ERBB4: variants seen among roughly 807,000 people sequenced by gnomAD.
ERBB4 encodes erb-b2 receptor tyrosine kinase 4, also known as receptor tyrosine-protein kinase erbB-4.
ERBB4 carries 42 observed loss-of-function variants against 158.0 expected under a neutral mutation model. The observed-to-expected ratio is 0.27, with a 90% CI of 0.21 to 0.34. The LOEUF is 0.34. ERBB4 is among the 10% of genes least tolerant of loss of function. ERBB4 has a pLI of 1.00. For synonymous variants in ERBB4, 583 were observed against 558.7 expected (o/e 1.04, Z -0.61); for missense variants, 1,333 against 1,624.1 (o/e 0.82, Z 3.08).
At chr2:211,744,503 T>C (rs1420108075) in intron 5 of ERBB4, among the ~76,000 whole-genome samples, 1 of 152,218 alleles carries the variant, frequency 6.6e-6, no homozygotes, top group Non-Finnish European at 1.5e-5. Flanking sequence ...AGACCTTCCC[T>C]GAAGCTCACT....
chr2:212,453,695 T>G (rs1326065634), intron 1 of ERBB4, among the ~76,000 whole-genome samples: 2 of 152,160 alleles, frequency 1.3e-5, no homozygotes, highest in Non-Finnish European at 2.9e-5. Context: ...TATTTTAAAA[T>G]TTTAAAATCA....
At chr2:211,750,358 CT>C (rs1197620702) in intron 5 of ERBB4, among the ~76,000 whole-genome samples, 1 of 152,204 alleles carries the variant, frequency 6.6e-6, no homozygotes, top group Non-Finnish European at 1.5e-5. Context: ...GGATTTCCCA[CT>C]TCTAGTGATG....
chr2:212,379,110 A>C (rs577903133), intron 1 of ERBB4, among the ~76,000 whole-genome samples: 1 of 151,974 alleles, frequency 6.6e-6, no homozygotes, highest in African/African-American at 2.4e-5. Context: ...TCACAATTAA[A>C]ACCTTCAAAC....
intron 1 of ERBB4, among the ~76,000 whole-genome samples, chr2:212,472,705 A>G (rs1190360839): frequency 6.6e-6 from 1 of 151,786 alleles, no homozygotes; most frequent in African/African-American, 2.4e-5. Context: ...AAAATAAATT[A>G]CTAGAAAAAA....
chr2:211,463,927 CA>C, intron 20 of ERBB4, among the ~76,000 whole-genome samples: 1 of 152,172 alleles, frequency 6.6e-6, no homozygotes, highest in African/African-American at 2.4e-5. Flanking sequence ...TACTGTGCCT[CA>C]AACATTATCA....
chr2:211,788,243 C>G, intron 3 of ERBB4, 84 bp from the exon 4 acceptor site: 1 of 1,012,982 alleles, frequency 9.9e-7, no homozygotes, highest in Non-Finnish European at 1.5e-6. Flanking sequence ...TTGCTCTTAA[C>G]TATTTTCAAT....
chr2:211,853,153 C>T (rs1257786644), intron 3 of ERBB4, among the ~76,000 whole-genome samples: 2 of 151,876 alleles, frequency 1.3e-5, no homozygotes, highest in Non-Finnish European at 2.9e-5. Flanking sequence ...ACAGAGCTTC[C>T]CAATGCTTAT....
At chr2:211,388,978 C>G (rs2062744349) in intron 25 of ERBB4, among the ~76,000 whole-genome samples, 1 of 152,166 alleles carries the variant, frequency 6.6e-6, no homozygotes, top group African/African-American at 2.4e-5. Flanking sequence ...TGCGATCCAG[C>G]TTTAAGTAAA....
chr2:212,069,554 G>T (rs1207920719), intron 2 of ERBB4, among the ~76,000 whole-genome samples: 1 of 151,892 alleles, frequency 6.6e-6, no homozygotes. Context: ...TGTACTGGAG[G>T]TTCTAATTAG....
chr2:212,229,143 AAC>A (rs1469667218), intron 1 of ERBB4, among the ~76,000 whole-genome samples: 1 of 152,224 alleles, frequency 6.6e-6, no homozygotes, highest in Non-Finnish European at 1.5e-5. Context: ...GCAATTAAGG[AAC>A]ACAGTCTAAT....
intron 1 of ERBB4, among the ~76,000 whole-genome samples, chr2:212,463,104 G>T (rs1335175902): frequency 6.6e-6 from 1 of 152,104 alleles, no homozygotes; most frequent in Non-Finnish European, 1.5e-5. Flanking sequence ...GGCTGGAGAG[G>T]ATCATGGAAG....
At chr2:211,502,145 T>A (rs925430582) in intron 20 of ERBB4, among the ~76,000 whole-genome samples, 39 of 152,174 alleles carry the variant, frequency 2.6e-4, no homozygotes, top group African/African-American at 8.7e-4. Context: ...GTAGTCACTT[T>A]AATGTTCTTC....
chr2:211,895,810 A>G (rs1181954985), intron 3 of ERBB4, among the ~76,000 whole-genome samples: 2 of 152,150 alleles, frequency 1.3e-5, no homozygotes, highest in African/African-American at 4.8e-5. Flanking sequence ...TACTCTTGCC[A>G]TAAAACAGCT....
chr2:211,978,257 A>G (rs1275407871), intron 2 of ERBB4, among the ~76,000 whole-genome samples: 2 of 151,892 alleles, frequency 1.3e-5, no homozygotes, highest in African/African-American at 2.4e-5. Context: ...GACTTGTGTC[A>G]CTTTTCCTAT....
chr2:212,005,353 T>C (rs776122266), intron 2 of ERBB4, among the ~76,000 whole-genome samples: 1 of 152,092 alleles, frequency 6.6e-6, no homozygotes, highest in Non-Finnish European at 1.5e-5. Context: ...AAATCATTTT[T>C]AACTATATTC....
chr2:211,916,326 C>G (rs1354938246), intron 3 of ERBB4, among the ~76,000 whole-genome samples: 1 of 151,938 alleles, frequency 6.6e-6, no homozygotes, highest in African/African-American at 2.4e-5. Flanking sequence ...ATTACAGGCA[C>G]CTGCCACCAC....
At chr2:211,675,829 T>G (rs1206382470) in intron 13 of ERBB4, among the ~76,000 whole-genome samples, 1 of 145,716 alleles carries the variant, frequency 6.9e-6, no homozygotes, top group Non-Finnish European at 1.5e-5. Flanking sequence ...GCTCCCTGGA[T>G]TTTGGTAAAT....
chr2:211,614,136 G>A (rs780527416), intron 19 of ERBB4, among the ~76,000 whole-genome samples: 15 of 151,980 alleles, frequency 9.9e-5, no homozygotes, highest in Non-Finnish European at 1.5e-4. Context: ...GATAGAACCG[G>A]AGATCATTAT....
At chr2:211,531,235 G>A (rs1158818262) in intron 20 of ERBB4, among the ~76,000 whole-genome samples, 4 of 152,088 alleles carry the variant, frequency 2.6e-5, no homozygotes, top group African/African-American at 4.8e-5. Flanking sequence ...TTGGGGACAC[G>A]TTTTGAGACA....
Sources: gnomAD v4.1 joint callset for allele counts (sites outside exome capture counted in the v4.1 genomes callset) on GRCh38, gnomAD v4.1.1 for gene constraint, MANE v1.5 for transcripts, NCBI Gene and HGNC (gene_info 2026-07-23, HGNC 2026-07-21) for gene names.